The following STXBP6 variants were observed in gnomAD, a reference collection of about 807,000 sequenced individuals.
STXBP6 encodes syntaxin-binding protein 6.
STXBP6 carries 21 observed loss-of-function variants against 26.9 expected under a neutral mutation model. The observed-to-expected ratio is 0.78, with a 90% CI of 0.55 to 1.12. The LOEUF (loss-of-function observed/expected upper bound fraction) is 1.12. Among genes scored for constraint, STXBP6 ranks in the 50% most tolerant of loss-of-function variants. The pLI, the probability that STXBP6 is intolerant of heterozygous loss-of-function variation, is 0.00. For synonymous variants in STXBP6, 97 were observed against 92.6 expected (o/e 1.05, Z -0.27); for missense variants, 232 against 257.9 (o/e 0.90, Z 0.69).
At chr14:24,890,374 C>T (rs2070746903) in intron 2 of STXBP6, among the ~76,000 whole-genome samples, 1 of 152,208 alleles carries the variant, frequency 6.6e-6, no homozygotes, top group Non-Finnish European at 1.5e-5. Flanking sequence ...CAATATTCAT[C>T]ACAAGATCCT....
chr14:25,047,969 C>G (rs1470869123), intron 1 of STXBP6, among the ~76,000 whole-genome samples: 2 of 152,122 alleles, frequency 1.3e-5, no homozygotes, highest in Non-Finnish European at 2.9e-5. Context: ...ATAAGGCCAC[C>G]CCAGTCATCT....
intron 1 of STXBP6, among the ~76,000 whole-genome samples, chr14:24,984,901 C>G (rs1595253292): frequency 6.6e-6 from 1 of 152,112 alleles, no homozygotes; most frequent in East Asian, 1.9e-4. Flanking sequence ...ACTCCAGAAG[C>G]CTTTGCTCTT....
At chr14:24,898,547 T>C (rs898197479) in intron 2 of STXBP6, among the ~76,000 whole-genome samples, 2 of 151,976 alleles carry the variant, frequency 1.3e-5, no homozygotes, top group African/African-American at 4.8e-5. Context: ...CGTGGTGGCA[T>C]GCGCCTATAG....
chr14:24,829,026 A>T (rs1214898343), intron 4 of STXBP6, among the ~76,000 whole-genome samples: 1 of 152,186 alleles, frequency 6.6e-6, no homozygotes, highest in Admixed American at 6.6e-5. Flanking sequence ...CAGGGACTCA[A>T]GTTTGAATCA....
rs186332694 is a variant in STXBP6, at chr14:24,905,716, T to G, written c.155-48559A>C. Among the ~76,000 whole-genome samples, 84 of 152,346 alleles carry G rather than the reference T, an allele frequency of 5.5e-4. 1 individual carries two copies. Among genetic ancestry groups the G allele is most frequent in the African/African-American group, 1.9e-3 (81 of 41,574 alleles). On this transcript the variant is annotated intron_variant, in intron 2 of 5. Coordinates refer to ENST00000323944, the MANE Select transcript of STXBP6 (RefSeq NM_001394410.1). ...CATTTCTAAAATGCTGTCTTTCATTTACTTCAACAAATGAATACATAAGAC... is the reference window on the plus strand; with the variant it reads ...CATTTCTAAAATGCTGTCTTTCATTGACTTCAACAAATGAATACATAAGAC...
At chr14:25,038,861 G>A (rs1042937854) in intron 1 of STXBP6, among the ~76,000 whole-genome samples, 18 of 152,080 alleles carry the variant, frequency 1.2e-4, no homozygotes, top group African/African-American at 3.9e-4. Flanking sequence ...TACCAGGGGA[G>A]GAGATGGAGG....
intron 4 of STXBP6, among the ~76,000 whole-genome samples, chr14:24,847,859 G>A (rs1295950118): frequency 1.3e-5 from 2 of 152,076 alleles, no homozygotes; most frequent in East Asian, 3.9e-4. Flanking sequence ...TTGTTGTTTT[G>A]GTTAAGTCAG....
intron 1 of STXBP6, among the ~76,000 whole-genome samples, chr14:25,025,977 A>C (rs2075342482): frequency 6.6e-6 from 1 of 152,162 alleles, no homozygotes; most frequent in African/African-American, 2.4e-5. Context: ...CAGCAAATAC[A>C]CAGCTGCTCC....
intron 2 of STXBP6, among the ~76,000 whole-genome samples, chr14:24,880,354 A>G (rs1455275803): frequency 6.6e-6 from 1 of 152,148 alleles, no homozygotes; most frequent in African/African-American, 2.4e-5. Flanking sequence ...AGAATGGAAA[A>G]TCTATTCCCA....
chr14:25,011,130 T>C (rs2075018961), intron 1 of STXBP6, among the ~76,000 whole-genome samples: 1 of 151,096 alleles, frequency 6.6e-6, no homozygotes. Context: ...AAAACTAGTT[T>C]AGTATTAAAG....
intron 5 of STXBP6, chr14:24,818,257 C>T (rs919589700): frequency 2.5e-6 from 1 of 407,332 alleles, no homozygotes; most frequent in Non-Finnish European, 4.8e-6. Context: ...GTAATAAATC[C>T]TCTTTATCAC....
At chr14:24,998,547 C>T (rs932760229) in intron 1 of STXBP6, among the ~76,000 whole-genome samples, 1 of 152,104 alleles carries the variant, frequency 6.6e-6, no homozygotes, top group African/African-American at 2.4e-5. Context: ...AGAATGACTA[C>T]TACTTGAATA....
chr14:24,936,350 T>C (rs1355477557), intron 2 of STXBP6, among the ~76,000 whole-genome samples: 1 of 152,182 alleles, frequency 6.6e-6, no homozygotes, highest in Non-Finnish European at 1.5e-5. Context: ...CAAAACCAGG[T>C]TGGCATGCTC....
chr14:24,890,162 C>T (rs2070739283), intron 2 of STXBP6, among the ~76,000 whole-genome samples: 1 of 152,250 alleles, frequency 6.6e-6, no homozygotes, highest in South Asian at 2.1e-4. Flanking sequence ...TGCCCAAACA[C>T]TGGGATGCCT....
intron 4 of STXBP6, among the ~76,000 whole-genome samples, chr14:24,820,173 A>G (rs1345373221): frequency 3.2e-4 from 49 of 152,270 alleles, no homozygotes; most frequent in Non-Finnish European, 4.4e-5. Context: ...GGCATTTTAT[A>G]TAATGACTTT....
intron 2 of STXBP6, among the ~76,000 whole-genome samples, chr14:24,924,137 A>G (rs1212941682): frequency 6.6e-6 from 1 of 152,164 alleles, no homozygotes; most frequent in Non-Finnish European, 1.5e-5. Context: ...GAGTAATTGA[A>G]TATCATGATT....
intron 1 of STXBP6, among the ~76,000 whole-genome samples, chr14:24,980,669 T>C (rs1410993285): frequency 6.6e-6 from 1 of 152,288 alleles, no homozygotes; most frequent in East Asian, 1.9e-4. Flanking sequence ...CAGATGGGAA[T>C]AGCAGACCAA....
intron 1 of STXBP6, among the ~76,000 whole-genome samples, chr14:25,034,721 G>C (rs1311605441): frequency 6.6e-6 from 1 of 152,126 alleles, no homozygotes; most frequent in Non-Finnish European, 1.5e-5. Context: ...TCCACAAAAT[G>C]TCCTTAGCAC....
chr14:24,859,351 T>C (rs1205241317), intron 2 of STXBP6, among the ~76,000 whole-genome samples: 1 of 152,162 alleles, frequency 6.6e-6, no homozygotes. Flanking sequence ...TTTTTGTTTA[T>C]TGTTATTATC....
Sources: allele counts gnomAD v4.1 joint callset (sites outside exome capture counted in the v4.1 genomes callset), GRCh38; gene constraint gnomAD v4.1.1; transcripts MANE v1.5; gene names NCBI Gene and HGNC (gene_info 2026-07-23, HGNC 2026-07-21).